The following CNTNAP2 variants were observed in gnomAD, a reference collection of about 807,000 sequenced individuals.
The protein encoded by CNTNAP2 is contactin-associated protein-like 2.
Under a neutral mutation model 155.2 loss-of-function variants are expected in CNTNAP2, and 98 were observed. That is an observed-to-expected ratio of 0.63 (90% CI 0.54 to 0.75). The LOEUF is 0.75. Among genes scored for constraint, CNTNAP2 ranks in the 30% least tolerant of loss-of-function variants. CNTNAP2 has a pLI of 0.00. For synonymous variants in CNTNAP2, 651 were observed against 631.2 expected, an observed-to-expected ratio of 1.03 and a Z score of -0.47; for missense variants, 1,727 against 1,688.1, an observed-to-expected ratio of 1.02 and a Z score of -0.40.
At position 148,293,792 on chromosome 7, in the gene CNTNAP2, TG is replaced by T. The variant is rs1357381715; in HGVS notation, c.3475+26669del. 3.9e-5 allele frequency among the ~76,000 whole-genome samples: 6 copies of T among 152,014 alleles called. No individual in the cohort carries two copies. The East Asian group carries it at 1.2e-3, about 29-fold the overall frequency. On this transcript the variant is annotated intron_variant, in intron 21 of 23. Coordinates refer to ENST00000361727, the MANE Select transcript of CNTNAP2 (RefSeq NM_014141.6). ...GCTCACATCTGTAATCCCAGCACTTTGGGAGGTCGAGGCAGGCACATCACTT... is the reference window on the plus strand; with the variant it reads ...GCTCACATCTGTAATCCCAGCACTTTGGAGGTCGAGGCAGGCACATCACTT...
Position 148,341,294 on chromosome 7 carries a change from T to C in CNTNAP2, c.3476-42355T>C, listed in dbSNP as rs1019326229. On this transcript the variant is annotated intron_variant, in intron 21 of 23. Transcript: ENST00000361727. Reference sequence around the variant, plus strand: ...ATTTCTTTTTTTTTTAATTTTTTTTTTAATCAGTAGCTGAGCTATACTACC... The same window carrying C: ...ATTTCTTTTTTTTTTAATTTTTTTTCTAATCAGTAGCTGAGCTATACTACC... 6.6e-5 allele frequency among the ~76,000 whole-genome samples: 10 copies of C among 151,958 alleles called. No individual in the cohort carries two copies. In the South Asian group the frequency reaches 2.1e-3, roughly 32 times the overall value.
At chr7:147,964,939 C>A (rs898977558) in intron 14 of CNTNAP2, among the ~76,000 whole-genome samples, 2 of 152,172 alleles carry the variant, frequency 1.3e-5, no homozygotes, top group African/African-American at 2.4e-5. Context: ...TGGAGTTAAC[C>A]ACAAAGCTCT....
chr7:146,711,032 T>G (rs996804386), intron 1 of CNTNAP2, among the ~76,000 whole-genome samples: 1 of 151,782 alleles, frequency 6.6e-6, no homozygotes, highest in Non-Finnish European at 1.5e-5. Flanking sequence ...CTCAACCTCT[T>G]GGCTCAGGTG....
chr7:146,194,350 A>G (rs1314180898), intron 1 of CNTNAP2, among the ~76,000 whole-genome samples: 1 of 152,236 alleles, frequency 6.6e-6, no homozygotes, highest in Non-Finnish European at 1.5e-5. Context: ...AAGTCTCACA[A>G]TCATGGTGGA....
At chr7:147,840,655 T>A (rs143139452) in intron 13 of CNTNAP2, among the ~76,000 whole-genome samples, 1 of 152,216 alleles carries the variant, frequency 6.6e-6, no homozygotes, top group East Asian at 1.9e-4. Context: ...ATCACTCTGG[T>A]CACAGTGGAA....
intron 1 of CNTNAP2, among the ~76,000 whole-genome samples, chr7:146,482,985 AT>A (rs1217772617): frequency 6.6e-6 from 1 of 151,630 alleles, no homozygotes; most frequent in Admixed American, 6.6e-5. Flanking sequence ...TTTTAAAAAA[AT>A]ATTTTTAAGG....
chr7:147,960,009 G>A (rs1349835295), intron 14 of CNTNAP2, among the ~76,000 whole-genome samples: 1 of 152,076 alleles, frequency 6.6e-6, no homozygotes, highest in East Asian at 1.9e-4. Context: ...ATAAGCCTCA[G>A]CACCTCGACT....
At chr7:146,928,679 T>G (rs952202654) in intron 3 of CNTNAP2, among the ~76,000 whole-genome samples, 4 of 152,190 alleles carry the variant, frequency 2.6e-5, no homozygotes, top group African/African-American at 9.6e-5. Context: ...TTCCCTTTCC[T>G]AGTCAAAGAA....
intron 12 of CNTNAP2, among the ~76,000 whole-genome samples, chr7:147,567,574 T>C (rs1800197770): frequency 6.6e-6 from 1 of 151,896 alleles, no homozygotes; most frequent in South Asian, 2.1e-4. Flanking sequence ...GGAGATTGAT[T>C]TGATGGGTAT....
intron 4 of CNTNAP2, among the ~76,000 whole-genome samples, chr7:147,090,778 T>G (rs978811873): frequency 2.0e-5 from 3 of 152,180 alleles, no homozygotes; most frequent in African/African-American, 7.2e-5. Flanking sequence ...TTGCTGCAAT[T>G]GGCTAATTTT....
chr7:147,196,484 A>G (rs1411762268), intron 8 of CNTNAP2, among the ~76,000 whole-genome samples: 2 of 152,236 alleles, frequency 1.3e-5, no homozygotes, highest in Non-Finnish European at 2.9e-5. Flanking sequence ...TCTTTTCTAA[A>G]GGATGAATTA....
At chr7:147,264,513 G>A (rs1804563572) in intron 8 of CNTNAP2, among the ~76,000 whole-genome samples, 1 of 111,690 alleles carries the variant, frequency 9.0e-6, no homozygotes, top group South Asian at 3.8e-4. Context: ...TGCAGGAGGA[G>A]CAGCAGCCAC....
At chr7:147,472,364 C>A (rs1584754732) in intron 10 of CNTNAP2, among the ~76,000 whole-genome samples, 2 of 151,866 alleles carry the variant, frequency 1.3e-5, no homozygotes, top group South Asian at 2.1e-4. Flanking sequence ...AGGCATGCCC[C>A]ACCACGCCTG....
intron 4 of CNTNAP2, chr7:147,097,388 C>T (rs1800559443): frequency 6.6e-6 from 1 of 152,150 alleles, no homozygotes. Context: ...AAGATGTACC[C>T]AACACTGGGC....
intron 21 of CNTNAP2, among the ~76,000 whole-genome samples, chr7:148,320,951 G>T (rs1797781826): frequency 6.6e-6 from 1 of 152,188 alleles, no homozygotes; most frequent in African/African-American, 2.4e-5. Flanking sequence ...GTCAATGAGT[G>T]GAGAGACTGG....
chr7:146,727,201 A>G (rs892865694), intron 1 of CNTNAP2, among the ~76,000 whole-genome samples: 4 of 152,180 alleles, frequency 2.6e-5, no homozygotes, highest in Admixed American at 2.0e-4. Context: ...CTATTGTCCA[A>G]TAAACGATTA....
chr7:146,810,137 A>G (rs1388092652), intron 2 of CNTNAP2, among the ~76,000 whole-genome samples: 1 of 152,176 alleles, frequency 6.6e-6, no homozygotes, highest in Non-Finnish European at 1.5e-5. Flanking sequence ...TAATGGCATT[A>G]TCAAAGAGTA....
chr7:146,790,147 T>C (rs1030958906), intron 2 of CNTNAP2, among the ~76,000 whole-genome samples: 1 of 152,122 alleles, frequency 6.6e-6, no homozygotes, highest in African/African-American at 2.4e-5. Flanking sequence ...CTATCAAGTA[T>C]TAAATAAAGT....
intron 8 of CNTNAP2, among the ~76,000 whole-genome samples, chr7:147,278,182 C>A (rs1804946736): frequency 6.6e-6 from 1 of 150,908 alleles, no homozygotes; most frequent in Admixed American, 6.6e-5. Flanking sequence ...TCTTGACAAT[C>A]TCTTCATTTC....
Sources: gnomAD v4.1 joint callset for allele counts (sites outside exome capture counted in the v4.1 genomes callset) on GRCh38, gnomAD v4.1.1 for gene constraint, MANE v1.5 for transcripts, NCBI Gene and HGNC (gene_info 2026-07-23, HGNC 2026-07-21) for gene names.